Variants in PAK2 observed in about 807,000 individuals in gnomAD.
PAK2 encodes the protein p21 (RAC1) activated kinase 2.
A neutral mutation model predicts 65.9 loss-of-function variants in PAK2; 21 were observed. That is an observed-to-expected ratio of 0.32 (90% CI 0.23 to 0.46). PAK2 has a LOEUF of 0.46. Among genes scored for constraint, PAK2 ranks in the 20% least tolerant of loss-of-function variants. The pLI is 1.00. For missense variants in PAK2, 324 were observed against 642.6 expected (o/e 0.50, Z 5.36); for synonymous variants, 204 against 219.7 (o/e 0.93, Z 0.63).
chr3:196,759,498 GTTTTTTTTTTTTTTTTTTTTTT>G (rs71301221), intron 1 of PAK2, among the ~76,000 whole-genome samples: 23 of 108,162 alleles, frequency 2.1e-4, no homozygotes, highest in Admixed American at 9.9e-4. Context: ...GGTTTTTTTT[GTTTTTTTTTTTTTTTTTTTTTT>G]TTTTTTTTTT....
intron 1 of PAK2, among the ~76,000 whole-genome samples, chr3:196,757,853 G>T (rs1020693492): frequency 3.3e-5 from 5 of 152,186 alleles, no homozygotes; most frequent in African/African-American, 9.7e-5. Context: ...ACGACCTGGG[G>T]TGTCATCTTG....
chr3:196,826,688 A>T (rs1711888657), intron 13 of PAK2, among the ~76,000 whole-genome samples: 2 of 152,046 alleles, frequency 1.3e-5, no homozygotes, highest in South Asian at 4.2e-4. Context: ...TGGGAGGCCG[A>T]GGCAGGTGGA....
rs1348588606 is a variant in PAK2 at position 196,829,582 on chromosome 3, G to A, written c.*1177G>A. 1 of 152,190 alleles carries A rather than the reference G, an allele frequency of 6.6e-6. No individual in the cohort carries two copies. The highest frequency in any genetic ancestry group is 1.5e-5 in the Non-Finnish European group (1 of 68,048). The allele number at this position is 152,190 out of a possible 1,614,324, so 9.4% of individuals were successfully genotyped here. The stretch of plus-strand genomic sequence containing the variant: ...ATTATACTCATGAAAGAGAATGTTA[G>A]TGTTACAGAGAAGCAGCCGATAGCA... On this transcript the variant is annotated 3_prime_UTR_variant, in exon 15 of 15. Transcript: ENST00000327134.
intron 1 of PAK2, among the ~76,000 whole-genome samples, chr3:196,780,535 A>C (rs539085292): frequency 6.6e-6 from 1 of 152,310 alleles, no homozygotes; most frequent in South Asian, 2.1e-4. Context: ...TTGCCCTCAT[A>C]ATTCATTTAC....
rs1209643407 is a variant in PAK2 at position 196,832,484 on chromosome 3, A to G, written c.*4079A>G. 1.3e-5 allele frequency: 2 copies of G among 152,142 alleles called. No individual in the cohort carries two copies. The highest frequency in any genetic ancestry group is 2.9e-5 in the Non-Finnish European group (2 of 68,034). 9.4% of individuals were successfully genotyped at this position (152,142 alleles called of 1,614,324 possible). A position where few individuals can be genotyped will look rare whatever the true frequency, so the allele number is the denominator to read the frequency against. The stretch of plus-strand genomic sequence containing the variant: ...TCAGGGCTAGAAATAAACTTTTTAA[A>G]AAAAGTGTGCATTTTTCCCTTTCCT... On this transcript the variant is annotated 3_prime_UTR_variant, in exon 15 of 15. Coordinates refer to ENST00000327134, the MANE Select transcript of PAK2 (RefSeq NM_002577.4).
intron 1 of PAK2, among the ~76,000 whole-genome samples, chr3:196,754,393 C>T (rs1313112648): frequency 6.6e-6 from 1 of 152,124 alleles, no homozygotes; most frequent in East Asian, 1.9e-4. Context: ...CCTTGCCTCT[C>T]CAGGGGACTG....
chr3:196,827,820 A>G (rs1172014302), intron 14 of PAK2, among the ~76,000 whole-genome samples: 1 of 151,986 alleles, frequency 6.6e-6, no homozygotes, highest in East Asian at 1.9e-4. Context: ...CAGTTTGTGC[A>G]TCGTATCAAT....
chr3:196,740,526 ACT>A (rs1560085007), intron 1 of PAK2, among the ~76,000 whole-genome samples: 1 of 150,000 alleles, frequency 6.7e-6, no homozygotes, highest in East Asian at 2.0e-4. Context: ...GCTGGACCAG[ACT>A]CTCCGGTTTT....
chr3:196,815,525 T>A (rs192901223), intron 11 of PAK2, among the ~76,000 whole-genome samples: 4 of 147,688 alleles, frequency 2.7e-5, no homozygotes, highest in East Asian at 2.0e-4. Flanking sequence ...ACAGTGTCTC[T>A]CGCCTGTAAT....
At chr3:196,776,941 T>A (rs1054828986) in intron 1 of PAK2, among the ~76,000 whole-genome samples, 7 of 152,328 alleles carry the variant, frequency 4.6e-5, no homozygotes, top group South Asian at 2.1e-4. Context: ...TTCAGGTGGG[T>A]ATCTGCGTAA....
intron 1 of PAK2, among the ~76,000 whole-genome samples, chr3:196,775,453 G>C (rs1714504770): frequency 6.6e-6 from 1 of 152,018 alleles, no homozygotes; most frequent in African/African-American, 2.4e-5. Context: ...TACGATCTCG[G>C]CTCACTGCAA....
At position 196,812,863 on chromosome 3, in the gene PAK2, T is replaced by C; in HGVS notation, c.935+12T>C. ...AACTTTTTGGACAGGTAAGTATGACTATTCCTTAAACACCGGGAGAAAATG... is the reference window on the plus strand; with the variant it reads ...AACTTTTTGGACAGGTAAGTATGACCATTCCTTAAACACCGGGAGAAAATG... On this transcript the variant is annotated intron_variant, in intron 10 of 14. Coordinates refer to ENST00000327134, the MANE Select transcript of PAK2 (RefSeq NM_002577.4). The C allele has an allele frequency of 3.5e-6, 4 of 1,134,132 alleles. No homozygotes were observed. The highest frequency in any genetic ancestry group is 5.3e-6 in the Non-Finnish European group (4 of 750,632). The allele number at this position is 1,134,132 out of a possible 1,614,324, so 70.3% of individuals were successfully genotyped here.
At position 196,832,568 on chromosome 3, in the gene PAK2, A is replaced by G. The variant is rs115619392; in HGVS notation, c.*4163A>G. On this transcript the variant is annotated 3_prime_UTR_variant, in exon 15 of 15. Transcript: ENST00000327134. ...GAATATTTTAATGTCTTTTGATAGCATAAAAGAATATTTAAATGTCTTAAT... is the reference window on the plus strand; with the variant it reads ...GAATATTTTAATGTCTTTTGATAGCGTAAAAGAATATTTAAATGTCTTAAT... 2.9e-3 allele frequency: 438 copies of G among 152,190 alleles called. 5 individuals are homozygous for G. The highest frequency in any genetic ancestry group is 0.01 in the African/African-American group (422 of 41,556). 9.4% of individuals were successfully genotyped at this position (152,190 alleles called of 1,614,324 possible).
At chr3:196,811,213 TTCCC>T (rs1239674382) in intron 8 of PAK2, among the ~76,000 whole-genome samples, 2 of 32,530 alleles carry the variant, frequency 6.1e-5, no homozygotes, top group African/African-American at 2.4e-4. Context: ...CTTCCTTCCC[TTCCC>T]TCCCTCCCTT....
rs191058857 is a variant in PAK2, at chr3:196,766,594, T to A, written c.-21-16032T>A. Reference sequence around the variant, plus strand: ...TCTTACTACAAGCAGTATTGTTCATTCTTCATAAGCTGGTGATTTTATATA... The same window carrying A: ...TCTTACTACAAGCAGTATTGTTCATACTTCATAAGCTGGTGATTTTATATA... On this transcript the variant is annotated intron_variant, in intron 1 of 14. Coordinates refer to ENST00000327134, the MANE Select transcript of PAK2 (RefSeq NM_002577.4). 7.9e-5 allele frequency among the ~76,000 whole-genome samples: 12 copies of A among 152,304 alleles called. No individual in the cohort carries two copies. The East Asian group carries it at 2.3e-3, about 29-fold the overall frequency.
intron 1 of PAK2, among the ~76,000 whole-genome samples, chr3:196,757,286 A>G (rs926577415): frequency 6.6e-6 from 1 of 152,186 alleles, no homozygotes; most frequent in Non-Finnish European, 1.5e-5. Context: ...ACTACTGATG[A>G]AAACTGGTGG....
At chr3:196,771,572 T>G (rs1167209600) in intron 1 of PAK2, among the ~76,000 whole-genome samples, 1 of 152,166 alleles carries the variant, frequency 6.6e-6, no homozygotes, top group East Asian at 1.9e-4. Context: ...TTTTTCTGTT[T>G]TTTTTGAGAC....
At chr3:196,817,873 G>A (rs1021453583) in intron 11 of PAK2, among the ~76,000 whole-genome samples, 184 bp from the exon 12 acceptor site, 2 of 152,082 alleles carry the variant, frequency 1.3e-5, no homozygotes, top group Non-Finnish European at 2.9e-5. Flanking sequence ...AAAACTTTAA[G>A]GAGGAGATCT....
At chr3:196,760,622 C>T (rs1226139386) in intron 1 of PAK2, among the ~76,000 whole-genome samples, 1 of 152,132 alleles carries the variant, frequency 6.6e-6, no homozygotes, top group Non-Finnish European at 1.5e-5. Flanking sequence ...TGTGCAGCCG[C>T]ATTATGGGCC....
Sources: allele counts gnomAD v4.1 joint callset (sites outside exome capture counted in the v4.1 genomes callset), GRCh38; gene constraint gnomAD v4.1.1; transcripts MANE v1.5; gene names NCBI Gene and HGNC (gene_info 2026-07-23, HGNC 2026-07-21).